The following ARL6 variants were observed in gnomAD, a reference collection of about 807,000 sequenced individuals.
The protein encoded by ARL6 is ADP-ribosylation factor-like protein 6.
A neutral mutation model predicts 27.1 loss-of-function variants in ARL6; 18 were observed. The ratio of observed to expected loss-of-function variants is 0.66; its 90% CI spans 0.46 to 0.98. The LOEUF is 0.98. ARL6 is among the 50% of genes least tolerant of loss of function. ARL6 has a pLI of 0.00. For synonymous variants in ARL6, 65 were observed against 72.3 expected (o/e 0.90, Z 0.51); for missense variants, 187 against 214.9 (o/e 0.87, Z 0.81).
chr3:97,780,513 T>C, intron 3 of ARL6, 102 bp from the exon 4 acceptor site: 1 of 927,160 alleles, frequency 1.1e-6, no homozygotes, highest in Non-Finnish European at 1.7e-6. Context: ...ATGTTGAATA[T>C]TGCATATGAA....
intron 5 of ARL6, 97 bp from the exon 6 acceptor site, chr3:97,787,893 A>G (rs1026887959): frequency 5.5e-6 from 7 of 1,269,506 alleles, no homozygotes; most frequent in African/African-American, 1.5e-5. Flanking sequence ...GAAAAAAGAT[A>G]ATTGAAAAAA....
intron 4 of ARL6, among the ~76,000 whole-genome samples, chr3:97,783,094 TA>T (rs1329080571): frequency 6.6e-6 from 1 of 151,324 alleles, no homozygotes; most frequent in African/African-American, 2.4e-5. Flanking sequence ...TTTTACAATA[TA>T]AAAAGGTAAT....
chr3:97,789,485 T>C (rs2037618950), intron 6 of ARL6, among the ~76,000 whole-genome samples: 1 of 152,186 alleles, frequency 6.6e-6, no homozygotes, highest in Admixed American at 6.6e-5. Context: ...TTAAAATAAT[T>C]AACCATTACA....
At chr3:97,766,011 A>G (rs912099075) in intron 1 of ARL6, 7 of 152,204 alleles carry the variant, frequency 4.6e-5, no homozygotes, top group African/African-American at 1.7e-4. Context: ...TGCTCTTCTA[A>G]ATTGTGTGTC....
intron 4 of ARL6, among the ~76,000 whole-genome samples, chr3:97,784,709 A>G (rs962869216): frequency 6.6e-6 from 1 of 151,874 alleles, no homozygotes; most frequent in African/African-American, 2.4e-5. Flanking sequence ...TTTTAAAATT[A>G]TGAAGTAGCA....
chr3:97,797,342 A>G (rs1303895467), intron 7 of ARL6, among the ~76,000 whole-genome samples: 1 of 152,118 alleles, frequency 6.6e-6, no homozygotes, highest in Admixed American at 6.6e-5. Flanking sequence ...TGGGAAAGAC[A>G]ATTATTAACT....
In ARL6 at chr3:97,797,378, G is replaced by A. The variant is rs1408395721; in HGVS notation, c.536-646G>A. Among the ~76,000 whole-genome samples the A allele has an allele frequency of 3.3e-5, 5 of 151,968 alleles. No individual in the cohort carries two copies. In the South Asian group the frequency reaches 1.0e-3, roughly 32 times the overall value. ...CTAGGAGGGATAAAATATAGAAGAG[G>A]AAAGAAAAAGTATACCACCTGTCTT... is the stretch of plus-strand genomic sequence containing the variant. On this transcript the variant is annotated intron_variant, in intron 7 of 7. Transcript: ENST00000463745.
intron 4 of ARL6, among the ~76,000 whole-genome samples, chr3:97,784,430 A>G (rs1299565289): frequency 1.3e-5 from 2 of 151,632 alleles, no homozygotes; most frequent in Non-Finnish European, 3.0e-5. Flanking sequence ...ATTTCTCACT[A>G]TGGTTTATGG....
chr3:97,783,709 T>C (rs2037312800), intron 4 of ARL6, among the ~76,000 whole-genome samples: 2 of 151,840 alleles, frequency 1.3e-5, no homozygotes, highest in Non-Finnish European at 1.5e-5. Context: ...AGTTTTATTT[T>C]GTATATCATT....
At chr3:97,787,234 C>G (rs920249696) in intron 5 of ARL6, among the ~76,000 whole-genome samples, 1 of 152,028 alleles carries the variant, frequency 6.6e-6, no homozygotes, top group African/African-American at 2.4e-5. Context: ...AATGAAGAAG[C>G]TGCTCTATAT....
chr3:97,785,632 C>A (rs1193530104), intron 5 of ARL6, among the ~76,000 whole-genome samples: 2 of 151,908 alleles, frequency 1.3e-5, no homozygotes, highest in African/African-American at 4.8e-5. Context: ...TGATGGATAT[C>A]CTTCCAAATC....
At chr3:97,794,469 C>T (rs1378967898) in intron 7 of ARL6, among the ~76,000 whole-genome samples, 1 of 152,030 alleles carries the variant, frequency 6.6e-6, no homozygotes, top group Non-Finnish European at 1.5e-5. Flanking sequence ...CCACCTCAGC[C>T]TCCAAAAGTG....
At chr3:97,783,746 ATACT>A (rs904750688) in intron 4 of ARL6, among the ~76,000 whole-genome samples, 41 of 151,942 alleles carry the variant, frequency 2.7e-4, no homozygotes, top group Admixed American at 1.4e-3. Context: ...TGCAGTTTAA[ATACT>A]TAATTTATGA....
At chr3:97,794,175 T>G (rs891289262) in intron 7 of ARL6, among the ~76,000 whole-genome samples, 2 of 100,460 alleles carry the variant, frequency 2.0e-5, no homozygotes, top group Admixed American at 1.1e-4. Flanking sequence ...ATTTTCTTTC[T>G]TTTGTGTGTG....
At chr3:97,789,659 T>C (rs1310127854) in intron 6 of ARL6, among the ~76,000 whole-genome samples, 1 of 152,196 alleles carries the variant, frequency 6.6e-6, no homozygotes, top group Admixed American at 6.5e-5. Context: ...AACATGTGTA[T>C]AATTGTGACT....
chr3:97,798,218 C>A lies in ARL6; in HGVS notation c.*169C>A. 1 of 649,034 alleles carries A rather than the reference C, an allele frequency of 1.5e-6. No homozygotes were observed. Among genetic ancestry groups the A allele is most frequent in the Non-Finnish European group, 2.7e-6 (1 of 374,262 alleles). 40.2% of individuals were successfully genotyped at this position (649,034 alleles called of 1,614,324 possible). On this transcript the variant is annotated 3_prime_UTR_variant, in exon 8 of 8. Coordinates refer to ENST00000463745, the MANE Select transcript of ARL6 (RefSeq NM_001278293.3). ...TAGGACTTCAGGTATGCTAATTTGG[C>A]CATTAATTATTTAAAAACTAAATAT...
In ARL6 at chr3:97,800,083, A is replaced by G. The variant is rs1172768485; in HGVS notation, c.*2034A>G. 6.6e-6 allele frequency: 1 copy of G among 152,158 alleles called. No individual in the cohort carries two copies. Among genetic ancestry groups the G allele is most frequent in the Non-Finnish European group, 1.5e-5 (1 of 68,004 alleles). The allele number at this position is 152,158 out of a possible 1,614,324, so 9.4% of individuals were successfully genotyped here. ...ACAAATGACTTTGATAAAAGTCCTT[A>G]AAACTATTTTGACATTAAATTATTT... On this transcript the variant is annotated 3_prime_UTR_variant, in exon 8 of 8. Coordinates refer to ENST00000463745, the MANE Select transcript of ARL6 (RefSeq NM_001278293.3).
At chr3:97,767,406 C>G (rs771842650) in intron 1 of ARL6, among the ~76,000 whole-genome samples, 1 of 151,972 alleles carries the variant, frequency 6.6e-6, no homozygotes, top group Non-Finnish European at 1.5e-5. Context: ...ACCTTCTTCA[C>G]AAAGGGATTT....
intron 4 of ARL6, among the ~76,000 whole-genome samples, chr3:97,783,172 CAT>C (rs2037283182): frequency 6.6e-6 from 1 of 151,332 alleles, no homozygotes; most frequent in East Asian, 1.9e-4. Flanking sequence ...ATATTGAAAA[CAT>C]GTTTCCCATA....
Sources: allele counts gnomAD v4.1 joint callset (sites outside exome capture counted in the v4.1 genomes callset), GRCh38; gene constraint gnomAD v4.1.1; transcripts MANE v1.5; gene names NCBI Gene and HGNC (gene_info 2026-07-23, HGNC 2026-07-21).